Variants in CUL2 observed in about 807,000 individuals in gnomAD.
CUL2 encodes the protein cullin-2.
A neutral mutation model predicts 110.2 loss-of-function variants in CUL2; 22 were observed. That is an observed-to-expected ratio of 0.20 (90% confidence interval 0.14 to 0.28). CUL2 has a LOEUF of 0.28. CUL2 is among the 10% of genes least tolerant of loss of function. The pLI is 1.00. For missense variants in CUL2, 631 were observed against 905.5 expected (o/e 0.70, Z 3.89); for synonymous variants, 279 against 293.2 (o/e 0.95, Z 0.49).
intron 8 of CUL2, among the ~76,000 whole-genome samples, chr10:35,039,627 G>A (rs1411262830): frequency 6.6e-6 from 1 of 152,228 alleles, no homozygotes; most frequent in Admixed American, 6.5e-5. Context: ...TACTTTGGGA[G>A]GCCAAGGCAG....
intron 2 of CUL2, among the ~76,000 whole-genome samples, chr10:35,067,203 G>A (rs1407815485): frequency 1.3e-5 from 2 of 151,088 alleles, no homozygotes; most frequent in Admixed American, 1.3e-4. Flanking sequence ...GTGGGAGGAT[G>A]AACTCATATT....
intron 1 of CUL2, among the ~76,000 whole-genome samples, chr10:35,071,620 G>T (rs2086683479): frequency 6.6e-6 from 1 of 152,180 alleles, no homozygotes; most frequent in Non-Finnish European, 1.5e-5. Flanking sequence ...GTGTTAGCCA[G>T]GATGGTCTTG....
chr10:35,052,660 C>T (rs1308872968), intron 5 of CUL2, among the ~76,000 whole-genome samples: 2 of 151,976 alleles, frequency 1.3e-5, no homozygotes, highest in Non-Finnish European at 2.9e-5. Context: ...CTTTGAGAAG[C>T]GGAGGCAGGC....
chr10:35,049,841 C>CCTTTGATGATTT (rs2086053453), intron 5 of CUL2, 76 bp from the exon 6 acceptor site: 2 of 877,480 alleles, frequency 2.3e-6, no homozygotes, highest in Non-Finnish European at 3.6e-6. Flanking sequence ...TTTTTTTTAA[C>CCTTTGATGATTT]TAAAAATACT....
intron 1 of CUL2, among the ~76,000 whole-genome samples, chr10:35,113,498 C>CAAAAAAAA (rs59518617): frequency 9.0e-5 from 3 of 33,312 alleles, no homozygotes; most frequent in Admixed American, 6.9e-4. Flanking sequence ...GACTCTGCCT[C>CAAAAAAAA]AAAAAAAAAA....
chr10:35,022,671 A>C (rs1181504530), intron 17 of CUL2, among the ~76,000 whole-genome samples: 4 of 151,784 alleles, frequency 2.6e-5, no homozygotes, highest in African/African-American at 9.7e-5. Context: ...AAGGGGACAA[A>C]GTTTCAGTTA....
At chr10:35,089,172 T>A (rs1246262132) in intron 1 of CUL2, among the ~76,000 whole-genome samples, 1 of 152,100 alleles carries the variant, frequency 6.6e-6, no homozygotes, top group African/African-American at 2.4e-5. Flanking sequence ...CAAAACTCCA[T>A]CTCAAAACAA....
Position 35,100,965 on chromosome 10 carries a change from TC to T in CUL2, c.45del (p.Trp15Ter), listed in dbSNP as rs1423437345. On this transcript the variant is annotated frameshift_variant, in exon 2 of 6. Coordinates refer to the CUL2 transcript ENST00000685421. LOFTEE classifies it high-confidence loss of function. ...CTTTCCATGTCGCCATGGGTTTTCG[TC>T]CATGTCCTTTGCCACCTGAGTTTTT... 6.6e-6 allele frequency: 1 copy of T among 152,284 alleles called. No homozygotes were observed. Among genetic ancestry groups the T allele is most frequent in the Non-Finnish European group, 1.5e-5 (1 of 68,180 alleles). 9.4% of individuals were successfully genotyped at this position (152,284 alleles called of 1,614,324 possible).
chr10:35,106,912 A>G (rs575650586), intron 1 of CUL2, among the ~76,000 whole-genome samples: 26 of 150,968 alleles, frequency 1.7e-4, no homozygotes, highest in African/African-American at 5.4e-4. Context: ...GTTAGCAATA[A>G]GGAAAAAGGA....
intron 6 of CUL2, among the ~76,000 whole-genome samples, chr10:35,045,361 G>T (rs1288947483): frequency 6.6e-6 from 1 of 152,096 alleles, no homozygotes; most frequent in Non-Finnish European, 1.5e-5. Context: ...GGCCAAGGTG[G>T]GAGGATCCCT....
At chr10:35,013,083 G>C (rs1172534656) in intron 19 of CUL2, among the ~76,000 whole-genome samples, 1 of 152,130 alleles carries the variant, frequency 6.6e-6, no homozygotes, top group Non-Finnish European at 1.5e-5. Context: ...GTTCACACCT[G>C]TAATCCCAGC....
At chr10:35,104,171 G>A (rs1394789461) in intron 1 of CUL2, among the ~76,000 whole-genome samples, 1 of 152,206 alleles carries the variant, frequency 6.6e-6, no homozygotes, top group Non-Finnish European at 1.5e-5. Flanking sequence ...CAGAGGCTGG[G>A]CGTAGTGGCT....
chr10:35,049,818 CA>C (rs2086051676), intron 5 of CUL2, 53 bp from the exon 6 acceptor site: 1 of 1,217,692 alleles, frequency 8.2e-7, no homozygotes, highest in Middle Eastern at 1.9e-4. Flanking sequence ...ATATGTTTAA[CA>C]TTTCCTCAAG....
At chr10:35,037,128 T>A (rs1469228237) in intron 9 of CUL2, among the ~76,000 whole-genome samples, 1 of 152,246 alleles carries the variant, frequency 6.6e-6, no homozygotes, top group Non-Finnish European at 1.5e-5. Flanking sequence ...TTCTATATTA[T>A]CTTCTAGAAG....
At chr10:35,044,953 T>A in intron 6 of CUL2, 85 bp from the exon 7 acceptor site, 1 of 899,462 alleles carries the variant, frequency 1.1e-6, no homozygotes, top group Non-Finnish European at 1.8e-6. Flanking sequence ...ATATGGCTCC[T>A]TATTCTATTG....
At chr10:35,043,864 C>G (rs141009035) in intron 8 of CUL2, among the ~76,000 whole-genome samples, 157 of 151,914 alleles carry the variant, frequency 1.0e-3, no homozygotes, top group East Asian at 6.8e-3. Context: ...TTGAGGAGTT[C>G]TGAGACCAGC....
chr10:35,068,855 A>G (rs1483701964), intron 2 of CUL2, among the ~76,000 whole-genome samples: 2 of 152,092 alleles, frequency 1.3e-5, no homozygotes, highest in African/African-American at 4.8e-5. Flanking sequence ...TATAACAATT[A>G]GTAGCATAGT....
At chr10:35,088,421 T>C (rs1239703776) in intron 1 of CUL2, among the ~76,000 whole-genome samples, 1 of 122,442 alleles carries the variant, frequency 8.2e-6, no homozygotes, top group Non-Finnish European at 1.8e-5. Context: ...GGCAGGAGAA[T>C]TGCTTGAACT....
rs1175696445 is a variant in CUL2 at position 35,016,293 on chromosome 10, A to G, written c.1786T>C (p.Tyr596His). 4 of 1,613,958 alleles carry G rather than the reference A, an allele frequency of 2.5e-6. No individual in the cohort carries two copies. Among genetic ancestry groups the G allele is most frequent in the Non-Finnish European group, 3.4e-6 (4 of 1,179,898 alleles). ...LAFNNSETVSYKELQDSTQMN... is the reference protein window; with the variant it reads ...LAFNNSETVSHKELQDSTQMN... ...TGAGTGCTGTCCTGAAGCTCTTTAT[A>G]ACTGACAGTTTCACTGTTGTTAAAG... is the stretch of plus-strand genomic sequence containing the variant. The change falls in exon 18 of 21, where the codon TAT becomes CAT. Residue 596 changes from tyrosine (Y) to histidine (H), a missense_variant. By Grantham distance (83) the Tyr-to-His change is moderately conservative. Transcript: ENST00000374749.
Sources: allele counts gnomAD v4.1 joint callset (sites outside exome capture counted in the v4.1 genomes callset), GRCh38; gene constraint gnomAD v4.1.1; transcripts MANE v1.5; gene names NCBI Gene and HGNC (gene_info 2026-07-23, HGNC 2026-07-21).